Variants in ZNF141 observed in about 807,000 individuals in gnomAD.
ZNF141 encodes the protein zinc finger protein 141.
In ZNF141, 7 loss-of-function variants were observed where a neutral mutation model predicts 11.3. That is an observed-to-expected ratio of 0.62 (90% CI 0.35 to 1.16). The LOEUF (loss-of-function observed/expected upper bound fraction) is 1.16, where lower values mean the gene tolerates loss of function less well. Ranked by LOEUF, ZNF141 falls within the 50% of genes most tolerant of loss-of-function variation. The probability of loss-of-function intolerance (pLI) is 0.02; values close to 1 mark genes in which losing one functional copy is unlikely to be tolerated. For missense variants in ZNF141, 535 were observed against 554.0 expected, an observed-to-expected ratio of 0.97 and a Z score of 0.34; for synonymous variants, 183 against 190.7, an observed-to-expected ratio of 0.96 and a Z score of 0.33.
In ZNF141 at chr4:379,953, A is replaced by C. The variant is rs1304234655; in HGVS notation, c.*6091A>C. Among the ~76,000 whole-genome samples the C allele has an allele frequency of 6.6e-6, 1 of 152,234 alleles. No individual in the cohort carries two copies. Among genetic ancestry groups the C allele is most frequent in the Admixed American group, 6.5e-5 (1 of 15,284 alleles). On this transcript the variant is annotated 3_prime_UTR_variant, in exon 4 of 4. Transcript: ENST00000240499. ...CTGTGTTAGCATTTTCCAAAAATAC[A>C]TTATTGTTAACTGTAGTCACCATGC...
At chr4:369,737 G>GATATAT (rs1342029616) in intron 3 of ZNF141, among the ~76,000 whole-genome samples, 2 of 85,088 alleles carry the variant, frequency 2.4e-5, no homozygotes, top group South Asian at 4.2e-4. Flanking sequence ...TTCTTAAAGA[G>GATATAT]ATATATATAT....
intron 3 of ZNF141, among the ~76,000 whole-genome samples, chr4:369,758 A>ATTTTTTTT (rs1560196787): frequency 1.2e-4 from 4 of 34,762 alleles, no homozygotes; most frequent in African/African-American, 7.5e-4. Context: ...ATATATATAT[A>ATTTTTTTT]TATATATTTT....
At chr4:338,227 G>C (rs1553847890) in intron 1 of ZNF141, 1 of 483,736 alleles carries the variant, frequency 2.1e-6, no homozygotes, top group African/African-American at 2.0e-5. Context: ...CAGGCTGTGG[G>C]GTGAGGAGTA....
chr4:374,407 C>A lies in ZNF141; in HGVS notation c.*545C>A. ...GAATGTGGCACAGTCTTTACCACATCCTCAAACTTTGTTAAACATAAGAGA... is the reference window on the plus strand; with the variant it reads ...GAATGTGGCACAGTCTTTACCACATACTCAAACTTTGTTAAACATAAGAGA... On this transcript the variant is annotated 3_prime_UTR_variant, in exon 4 of 4. Transcript: ENST00000240499. 1 of 348,398 alleles carries A rather than the reference C, an allele frequency of 2.9e-6. No individual in the cohort carries two copies. The highest frequency in any genetic ancestry group is 5.8e-6 in the Non-Finnish European group (1 of 171,956). The allele number at this position is 348,398 out of a possible 1,614,324, so 21.6% of individuals were successfully genotyped here.
chr4:342,965 T>A, intron 1 of ZNF141: 1 of 1,474,210 alleles, frequency 6.8e-7, no homozygotes, highest in Non-Finnish European at 9.5e-7. Context: ...GCTGAGACCT[T>A]ATTTTTTAAA....
intron 1 of ZNF141, among the ~76,000 whole-genome samples, chr4:339,472 G>A (rs934134095): frequency 1.3e-5 from 2 of 149,142 alleles, no homozygotes; most frequent in African/African-American, 2.5e-5. Flanking sequence ...GTTTGCTCAA[G>A]TGCATCCCTC....
intron 3 of ZNF141, chr4:358,592 T>A (rs1430451354): frequency 6.2e-6 from 1 of 160,556 alleles, no homozygotes; most frequent in African/African-American, 2.4e-5. Flanking sequence ...TTTGTTTGAT[T>A]GTTTGAGATG....
intron 3 of ZNF141, among the ~76,000 whole-genome samples, chr4:345,271 C>T (rs1721265884): frequency 6.6e-6 from 1 of 152,098 alleles, no homozygotes; most frequent in South Asian, 2.1e-4. Context: ...GCAATTTTAT[C>T]AGAACAATAA....
chr4:348,702 C>G (rs1721453523), intron 3 of ZNF141, among the ~76,000 whole-genome samples: 2 of 149,464 alleles, frequency 1.3e-5, no homozygotes, highest in Admixed American at 1.3e-4. Flanking sequence ...GCACTCCAGC[C>G]TGGGTGACAG....
At chr4:358,425 A>T in intron 3 of ZNF141, 1 of 268,332 alleles carries the variant, frequency 3.7e-6, no homozygotes, top group Non-Finnish European at 7.3e-6. Context: ...ACCTCAAGTG[A>T]TCCGCCTGCC....
chr4:360,182 G>A (rs1205049209), intron 3 of ZNF141, among the ~76,000 whole-genome samples: 1 of 152,162 alleles, frequency 6.6e-6, no homozygotes, highest in Non-Finnish European at 1.5e-5. Context: ...TTTTGTCAGG[G>A]CTTAACTGCT....
chr4:338,037 T>A (rs1720873250), intron 1 of ZNF141, 51 bp downstream of exon 1: 3 of 1,609,908 alleles, frequency 1.9e-6, no homozygotes, highest in African/African-American at 2.7e-5. Flanking sequence ...TCATCGGAGC[T>A]GGCGGGAAAT....
At chr4:346,007 A>G (rs1721303149) in intron 3 of ZNF141, among the ~76,000 whole-genome samples, 1 of 152,180 alleles carries the variant, frequency 6.6e-6, no homozygotes, top group Non-Finnish European at 1.5e-5. Context: ...AAGTCTGTTG[A>G]GATTCTGTCA....
Position 375,837 on chromosome 4 carries a change from A to G in ZNF141, c.*1975A>G, listed in dbSNP as rs1484794546. On this transcript the variant is annotated 3_prime_UTR_variant, in exon 4 of 4. Coordinates refer to ENST00000240499, the MANE Select transcript of ZNF141 (RefSeq NM_003441.4). ...GATTCTTTTTCATTAGGTGGGCATTATTTGTGAATTTTTACAAGAAAGAGT... is the reference window on the plus strand; with the variant it reads ...GATTCTTTTTCATTAGGTGGGCATTGTTTGTGAATTTTTACAAGAAAGAGT... Among the ~76,000 whole-genome samples the G allele has an allele frequency of 2.6e-5, 4 of 152,016 alleles. No homozygotes were observed. Among genetic ancestry groups the G allele is most frequent in the African/African-American group, 7.2e-5 (3 of 41,414 alleles).
Position 338,107 on chromosome 4 carries a change from C to T in ZNF141, c.3+121C>T, listed in dbSNP as rs4261928. 2,094 of 1,381,918 alleles carry T rather than the reference C, an allele frequency of 1.5e-3. 19 individuals are homozygous for T. The African/African-American group carries it at 0.027, about 18-fold the overall frequency. 85.6% of individuals were successfully genotyped at this position (1,381,918 alleles called of 1,614,324 possible). A position where few individuals can be genotyped will look rare whatever the true frequency, so the allele number is the denominator to read the frequency against. On this transcript the variant is annotated intron_variant, in intron 1 of 3. Transcript: ENST00000240499. Reference sequence around the variant, plus strand: ...CTGCCGCCGCTCAGCCCTGGGGCCTCAGTACCCTCCGGTGAGGGACCTGGG... The same window carrying T: ...CTGCCGCCGCTCAGCCCTGGGGCCTTAGTACCCTCCGGTGAGGGACCTGGG...
chr4:361,322 G>A (rs190145606), intron 3 of ZNF141, among the ~76,000 whole-genome samples: 4 of 126,174 alleles, frequency 3.2e-5, no homozygotes, highest in African/African-American at 1.2e-4. Flanking sequence ...GTCTCTTTTT[G>A]ACTATTTTTT....
rs1431642474 is a variant in ZNF141, at chr4:378,701, T to C, written c.*4839T>C. ...TCTTGAGGAATTTCTCATAATTCTT[T>C]GTTTTAGTGGATGCATTTCATGGGC... On this transcript the variant is annotated 3_prime_UTR_variant, in exon 4 of 4. Coordinates refer to ENST00000240499, the MANE Select transcript of ZNF141 (RefSeq NM_003441.4). Among the ~76,000 whole-genome samples, 5 of 152,206 alleles carry C rather than the reference T, an allele frequency of 3.3e-5. No homozygotes were observed. The highest frequency in any genetic ancestry group is 1.2e-4 in the African/African-American group (5 of 41,454).
intron 3 of ZNF141, among the ~76,000 whole-genome samples, chr4:368,286 A>T (rs1711846294): frequency 6.6e-6 from 1 of 152,024 alleles, no homozygotes; most frequent in South Asian, 2.1e-4. Context: ...ACCCAGTCAG[A>T]ATGTAAGTGC....
In ZNF141 at chr4:384,582, A is replaced by G. The variant is rs1177063886; in HGVS notation, c.*10720A>G. On this transcript the variant is annotated 3_prime_UTR_variant, in exon 4 of 4. Transcript: ENST00000240499. ...TTATAATGTTACTAACATGACATAA[A>G]TATTTTGGTTTTAGCTTCACTCTTT... 2.0e-5 allele frequency: 3 copies of G among 152,190 alleles called. 1 individual carries two copies. In the South Asian group the frequency reaches 6.2e-4, roughly 32 times the overall value. 9.4% of individuals were successfully genotyped at this position (152,190 alleles called of 1,614,324 possible).
Sources: allele counts gnomAD v4.1 joint callset (sites outside exome capture counted in the v4.1 genomes callset), GRCh38; gene constraint gnomAD v4.1.1; transcripts MANE v1.5; gene names NCBI Gene and HGNC (gene_info 2026-07-23, HGNC 2026-07-21).